Variants in EFCAB13 observed in about 807,000 individuals in gnomAD.
EFCAB13 encodes EF-hand calcium binding domain 13.
EFCAB13 carries 91 observed loss-of-function variants against 110.2 expected under a neutral mutation model. The observed-to-expected ratio is 0.83, with a 90% confidence interval of 0.70 to 0.98. The LOEUF is 0.98. Among genes scored for constraint, EFCAB13 ranks in the 50% least tolerant of loss-of-function variants. The probability of loss-of-function intolerance (pLI) is 0.00; values close to 1 mark genes in which losing one functional copy is unlikely to be tolerated. For synonymous variants in EFCAB13, 323 were observed against 369.9 expected, an observed-to-expected ratio of 0.87 and a Z score of 1.45; for missense variants, 968 against 1,119.4, an observed-to-expected ratio of 0.86 and a Z score of 1.93.
intron 6 of EFCAB13, among the ~76,000 whole-genome samples, chr17:47,343,292 G>T (rs1386297932): frequency 6.6e-6 from 1 of 151,988 alleles, no homozygotes; most frequent in Admixed American, 6.6e-5. Flanking sequence ...TGAATTTTTT[G>T]GTTTCTGTTT....
chr17:47,335,101 A>C, intron 4 of EFCAB13, 95 bp from the exon 5 acceptor site: 1 of 1,307,672 alleles, frequency 7.6e-7, no homozygotes, highest in South Asian at 1.7e-5. Flanking sequence ...TTTGAGAAAG[A>C]ATATCAATCT....
intron 14 of EFCAB13, among the ~76,000 whole-genome samples, chr17:47,388,543 T>C (rs73985161): frequency 0.031 from 4,680 of 152,242 alleles, 257 homozygotes; most frequent in African/African-American, 0.11. Flanking sequence ...ACATCACACT[T>C]CTGGTTTCTA....
chr17:47,357,261 C>G (rs2065486144), intron 9 of EFCAB13, among the ~76,000 whole-genome samples: 2 of 152,152 alleles, frequency 1.3e-5, no homozygotes, highest in Non-Finnish European at 2.9e-5. Flanking sequence ...CTTGGCTTTC[C>G]TGATATGTTC....
chr17:47,336,221 G>T (rs969144886), intron 5 of EFCAB13, among the ~76,000 whole-genome samples: 3 of 151,958 alleles, frequency 2.0e-5, no homozygotes, highest in Non-Finnish European at 4.4e-5. Context: ...CCACCTCCTG[G>T]GTTCAAGTGA....
At chr17:47,436,187 A>T (rs943721092) in intron 24 of EFCAB13, among the ~76,000 whole-genome samples, 1 of 152,112 alleles carries the variant, frequency 6.6e-6, no homozygotes, top group African/African-American at 2.4e-5. Flanking sequence ...GTATTTTGTT[A>T]GGGATTTTAG....
chr17:47,362,727 A>C lies in EFCAB13; in HGVS notation c.805+1206A>C, dbSNP rs866293757. Among the ~76,000 whole-genome samples the C allele has an allele frequency of 4.6e-5, 7 of 152,282 alleles. No individual in the cohort carries two copies. The South Asian group carries it at 1.5e-3, about 32-fold the overall frequency. On this transcript the variant is annotated intron_variant, in intron 10 of 24. Transcript: ENST00000331493. ...AGTAGCAAATTAGTGAAAGTACTAA[A>C]AGCAGAAATAATGGCGTAAGCTGTC...
intron 14 of EFCAB13, among the ~76,000 whole-genome samples, chr17:47,388,473 G>GT (rs1156652895): frequency 1.3e-5 from 2 of 152,094 alleles, no homozygotes; most frequent in Non-Finnish European, 2.9e-5. Context: ...CTGGATATTT[G>GT]TTTTTGGTTT....
At chr17:47,343,570 A>G (rs778877047) in intron 6 of EFCAB13, among the ~76,000 whole-genome samples, 3 of 152,072 alleles carry the variant, frequency 2.0e-5, no homozygotes, top group Non-Finnish European at 4.4e-5. Context: ...TTTTTTCCAC[A>G]TCTTGCATGG....
In EFCAB13 at chr17:47,361,466, T is replaced by C; in HGVS notation, c.750T>C (p.Gly250=). 6.2e-7 allele frequency: 1 copy of C among 1,613,704 alleles called. No homozygotes were observed. Among genetic ancestry groups the C allele is most frequent in the South Asian group, 1.1e-5 (1 of 91,070 alleles). ...TGTTTGCTGTTTTGGATAGCATGGG[T>C]ATCCCTATAAACCGTGAAATTTTAG... ...DDVFAVLDSM[G]IPINREILEE... is the part of the protein sequence containing the mutation. The change falls in exon 10 of 25, where the codon GGT becomes GGC. Residue 250 remains glycine (G), a synonymous_variant. Coordinates refer to ENST00000331493, the MANE Select transcript of EFCAB13 (RefSeq NM_152347.5).
chr17:47,397,745 C>A (rs1372506691), intron 17 of EFCAB13, among the ~76,000 whole-genome samples: 6 of 151,528 alleles, frequency 4.0e-5, no homozygotes, highest in African/African-American at 1.2e-4. Flanking sequence ...CCGGCCGCCC[C>A]GTCTGAGAAG....
At chr17:47,329,422 C>G (rs2065306913) in intron 4 of EFCAB13, among the ~76,000 whole-genome samples, 1 of 152,120 alleles carries the variant, frequency 6.6e-6, no homozygotes, top group Non-Finnish European at 1.5e-5. Flanking sequence ...CTGTGTAAAA[C>G]ATGTACCTAT....
At chr17:47,423,142 G>C (rs915119902) in intron 23 of EFCAB13, among the ~76,000 whole-genome samples, 1 of 152,078 alleles carries the variant, frequency 6.6e-6, no homozygotes, top group African/African-American at 2.4e-5. Context: ...TGCTAAAAAT[G>C]ATATTACCAG....
intron 5 of EFCAB13, among the ~76,000 whole-genome samples, chr17:47,335,724 G>C (rs1356255479): frequency 6.6e-6 from 1 of 152,196 alleles, no homozygotes; most frequent in African/African-American, 2.4e-5. Context: ...GGAAGGGGAA[G>C]GGGGAGCAAG....
intron 21 of EFCAB13, among the ~76,000 whole-genome samples, chr17:47,409,947 T>C (rs999485153): frequency 2.0e-5 from 3 of 152,174 alleles, no homozygotes; most frequent in African/African-American, 7.2e-5. Context: ...TTGCTTTCTG[T>C]ACTTCAACTA....
chr17:47,330,189 T>C (rs2065311732), intron 4 of EFCAB13, among the ~76,000 whole-genome samples: 1 of 149,936 alleles, frequency 6.7e-6, no homozygotes, highest in East Asian at 2.0e-4. Flanking sequence ...CACTAAACTC[T>C]ATTTCTTTTT....
chr17:47,383,724 A>T (rs1223667213), intron 14 of EFCAB13, among the ~76,000 whole-genome samples: 1 of 152,060 alleles, frequency 6.6e-6, no homozygotes, highest in African/African-American at 2.4e-5. Context: ...AATAAGTGCG[A>T]TGTAGTGCTG....
intron 24 of EFCAB13, among the ~76,000 whole-genome samples, chr17:47,435,565 G>T (rs1905196357): frequency 6.6e-6 from 1 of 152,034 alleles, no homozygotes; most frequent in Non-Finnish European, 1.5e-5. Context: ...TTGTAAAAGG[G>T]GTTGAGTTCT....
intron 9 of EFCAB13, among the ~76,000 whole-genome samples, chr17:47,358,013 A>G (rs577140344): frequency 9.7e-4 from 148 of 152,318 alleles, no homozygotes; most frequent in Non-Finnish European, 1.8e-3. Context: ...GAGACTAATC[A>G]AGAACTCTCA....
Position 47,344,218 on chromosome 17 carries a change from T to C in EFCAB13, c.360T>C (p.Ser120=). The change falls in exon 7 of 25, where the codon TCT becomes TCC. Residue 120 remains serine, a synonymous_variant. Coordinates refer to ENST00000331493, the MANE Select transcript of EFCAB13 (RefSeq NM_152347.5). ...SKEKVTRKEN[S]LCKLPNQYSV... ...AGAAGGTGACAAGGAAAGAAAACTC[T>C]TTATGCAAGTTGCCGAATCAGTACA... 2 of 1,613,272 alleles carry C rather than the reference T, an allele frequency of 1.2e-6. No homozygotes were observed. The highest frequency in any genetic ancestry group is 1.7e-6 in the Non-Finnish European group (2 of 1,179,374).
Sources: allele counts gnomAD v4.1 joint callset (sites outside exome capture counted in the v4.1 genomes callset), GRCh38; gene constraint gnomAD v4.1.1; transcripts MANE v1.5; gene names NCBI Gene and HGNC (gene_info 2026-07-23, HGNC 2026-07-21).